The following IMPG1 variants were observed in gnomAD, a reference collection of about 807,000 sequenced individuals.
IMPG1 encodes interphotoreceptor matrix proteoglycan of 150 kDa.
In IMPG1, 85 loss-of-function variants were observed where a neutral mutation model predicts 92.0. The observed-to-expected ratio is 0.92, with a 90% CI of 0.78 to 1.11. IMPG1 has a LOEUF of 1.11. Ranked by LOEUF, IMPG1 falls within the 50% of genes least tolerant of loss-of-function variation. The pLI is 0.00. For synonymous variants in IMPG1, 367 were observed against 334.1 expected (o/e 1.10, Z -1.08); for missense variants, 1,022 against 956.0 (o/e 1.07, Z -0.91).
At chr6:75,962,085 G>T (rs903713858) in intron 12 of IMPG1, among the ~76,000 whole-genome samples, 4 of 151,938 alleles carry the variant, frequency 2.6e-5, no homozygotes, top group Non-Finnish European at 5.9e-5. Flanking sequence ...CTTTCACCAA[G>T]ACTTCTGCAA....
At chr6:75,926,792 T>G (rs1781560844) in intron 15 of IMPG1, among the ~76,000 whole-genome samples, 1 of 150,536 alleles carries the variant, frequency 6.6e-6, no homozygotes, top group Non-Finnish European at 1.5e-5. Context: ...CATCTAAACT[T>G]GAGGGAAATG....
In IMPG1 at chr6:76,005,276, C is replaced by T. The variant is rs1246214667; in HGVS notation, c.1135+11G>A. ...GAGAATAAACTCAGAACTAAGCAAT[C>T]ATTAACTGACCATCAGTGAACTGAA... On this transcript the variant is annotated intron_variant, in intron 10 of 16. Coordinates refer to ENST00000369950, the MANE Select transcript of IMPG1 (RefSeq NM_001563.4). 2 of 1,613,286 alleles carry T rather than the reference C, an allele frequency of 1.2e-6. No individual in the cohort carries two copies. Among genetic ancestry groups the T allele is most frequent in the East Asian group, 2.2e-5 (1 of 44,874 alleles).
chr6:75,940,549 G>A (rs1781822412), intron 14 of IMPG1, among the ~76,000 whole-genome samples: 1 of 152,086 alleles, frequency 6.6e-6, no homozygotes, highest in Non-Finnish European at 1.5e-5. Flanking sequence ...TTTAAGGACT[G>A]TCTAGCACTT....
intron 8 of IMPG1, among the ~76,000 whole-genome samples, chr6:76,008,281 CCATTTA>C (rs1783129664): frequency 6.6e-6 from 1 of 152,150 alleles, no homozygotes; most frequent in Non-Finnish European, 1.5e-5. Context: ...TGAAAAAAGA[CCATTTA>C]GTCACCAAAC....
chr6:75,986,351 A>G (rs1782717816), intron 12 of IMPG1, among the ~76,000 whole-genome samples: 1 of 152,126 alleles, frequency 6.6e-6, no homozygotes, highest in Admixed American at 6.6e-5. Context: ...TTCATGAAAA[A>G]GTATTCTAAG....
chr6:75,926,672 A>T (rs1374814607), intron 15 of IMPG1, among the ~76,000 whole-genome samples: 1 of 152,166 alleles, frequency 6.6e-6, no homozygotes, highest in East Asian at 1.9e-4. Context: ...TTAGATTTGC[A>T]TTTTTTGTGT....
At chr6:75,974,293 CT>C (rs1288971945) in intron 12 of IMPG1, among the ~76,000 whole-genome samples, 1 of 150,218 alleles carries the variant, frequency 6.7e-6, no homozygotes, top group Non-Finnish European at 1.5e-5. Flanking sequence ...TTCTTTCTTT[CT>C]CTTTCTTTTC....
At chr6:75,950,096 A>G (rs969264519) in intron 13 of IMPG1, among the ~76,000 whole-genome samples, 11 of 152,144 alleles carry the variant, frequency 7.2e-5, no homozygotes, top group African/African-American at 2.2e-4. Context: ...CCACTTAGTC[A>G]TTTTTTAGGT....
rs185695229 is a variant in IMPG1, at chr6:76,028,396, G to A, written c.498-3138C>T. 1.3e-3 allele frequency among the ~76,000 whole-genome samples: 197 copies of A among 152,330 alleles called. 3 individuals carry two copies. The highest frequency in any genetic ancestry group is 0.01 in the Middle Eastern group (3 of 294). On this transcript the variant is annotated intron_variant, in intron 4 of 16. Transcript: ENST00000369950. ...ACTCATGAGGAGCTGAAATGCTCAC[G>A]AATATCAAACCAAACAAGAGTTAAT...
intron 5 of IMPG1, chr6:76,024,784 A>ATT (rs1236040889): frequency 8.1e-5 from 25 of 306,798 alleles, no homozygotes; most frequent in South Asian, 7.1e-4. Context: ...TGGATGCAAC[A>ATT]GAATGTTGCA....
At chr6:75,963,592 T>G (rs1212648945) in intron 12 of IMPG1, among the ~76,000 whole-genome samples, 1 of 152,182 alleles carries the variant, frequency 6.6e-6, no homozygotes, top group Non-Finnish European at 1.5e-5. Context: ...AGTGTCGGAA[T>G]TGACTTTTTC....
At chr6:76,065,248 C>T (rs943934888) in intron 1 of IMPG1, among the ~76,000 whole-genome samples, 3 of 151,936 alleles carry the variant, frequency 2.0e-5, no homozygotes, top group Non-Finnish European at 4.4e-5. Context: ...AAAATGAAAT[C>T]TTTGAAATAC....
At chr6:76,061,516 G>A (rs1402725486) in intron 1 of IMPG1, among the ~76,000 whole-genome samples, 1 of 152,134 alleles carries the variant, frequency 6.6e-6, no homozygotes, top group Non-Finnish European at 1.5e-5. Context: ...GTAAAGGATT[G>A]GCAAGAAGTG....
At chr6:76,048,063 G>A (rs1188903811) in intron 1 of IMPG1, among the ~76,000 whole-genome samples, 1 of 152,132 alleles carries the variant, frequency 6.6e-6, no homozygotes, top group Admixed American at 6.6e-5. Context: ...GGAGATCAAT[G>A]AGGAAGACTA....
At chr6:76,057,395 A>G (rs1426625826) in intron 1 of IMPG1, among the ~76,000 whole-genome samples, 1 of 152,164 alleles carries the variant, frequency 6.6e-6, no homozygotes. Flanking sequence ...CTTGTGCACC[A>G]GAGGTTGGGA....
At chr6:75,984,319 G>A (rs1782679432) in intron 12 of IMPG1, among the ~76,000 whole-genome samples, 1 of 152,156 alleles carries the variant, frequency 6.6e-6, no homozygotes, top group Non-Finnish European at 1.5e-5. Context: ...ATCAAGCTAA[G>A]TGTCCATTAA....
intron 12 of IMPG1, among the ~76,000 whole-genome samples, chr6:76,002,023 T>C (rs1299654342): frequency 1.3e-5 from 2 of 152,190 alleles, no homozygotes; most frequent in South Asian, 2.1e-4. Flanking sequence ...TCAAAACTTG[T>C]AGAATGTAGA....
At chr6:76,010,447 A>G (rs1194115539) in intron 8 of IMPG1, among the ~76,000 whole-genome samples, 2 of 152,216 alleles carry the variant, frequency 1.3e-5, no homozygotes, top group Admixed American at 1.3e-4. Context: ...CCAATCATGA[A>G]CCCACATGAG....
chr6:75,924,273 C>T (rs1392055489), intron 15 of IMPG1, among the ~76,000 whole-genome samples: 1 of 146,400 alleles, frequency 6.8e-6, no homozygotes, highest in Non-Finnish European at 1.5e-5. Flanking sequence ...ATCAGTATAT[C>T]AAAGAGATAT....
Sources: gnomAD v4.1 joint callset for allele counts (sites outside exome capture counted in the v4.1 genomes callset) on GRCh38, gnomAD v4.1.1 for gene constraint, MANE v1.5 for transcripts, NCBI Gene and HGNC (gene_info 2026-07-23, HGNC 2026-07-21) for gene names.